The following ESCO1 variants were observed in gnomAD, a reference collection of about 807,000 sequenced individuals.
The protein encoded by ESCO1 is establishment of sister chromatid cohesion N-acetyltransferase 1.
In ESCO1, 33 loss-of-function variants were observed where a neutral mutation model predicts 83.5. That is an observed-to-expected ratio of 0.40 (90% CI 0.30 to 0.53). ESCO1 has a LOEUF of 0.53. ESCO1 is among the 20% of genes least tolerant of loss of function. ESCO1 has a pLI of 0.63. For missense variants in ESCO1, 855 were observed against 968.0 expected (o/e 0.88, Z 1.55); for synonymous variants, 332 against 324.3 (o/e 1.02, Z -0.25).
intron 1 of ESCO1, among the ~76,000 whole-genome samples, chr18:21,597,285 A>T (rs1180205401): frequency 6.6e-6 from 1 of 152,206 alleles, no homozygotes; most frequent in Non-Finnish European, 1.5e-5. Flanking sequence ...AAGGCCAAAC[A>T]TTAAGGAGAT....
intron 6 of ESCO1, among the ~76,000 whole-genome samples, 162 bp downstream of exon 6, chr18:21,565,984 G>A (rs1056839598): frequency 6.6e-6 from 1 of 152,020 alleles, no homozygotes; most frequent in Non-Finnish European, 1.5e-5. Context: ...TAGAAAAAAT[G>A]TCCATAGTAA....
chr18:21,560,325 ATT>A (rs36024258), intron 8 of ESCO1, among the ~76,000 whole-genome samples: 1 of 143,008 alleles, frequency 7.0e-6, no homozygotes, highest in African/African-American at 2.6e-5. Flanking sequence ...CTCTGTGGGA[ATT>A]TTTTTTTTTT....
rs762391944 is a variant in ESCO1, at chr18:21,574,203, C to A, written c.641G>T (p.Cys214Phe). The change falls in exon 4 of 12, where the codon TGT becomes TTT. Residue 214 changes from cysteine (C) to phenylalanine (F), a missense_variant. By Grantham distance (205) the Cys-to-Phe change is radical. Around this residue, in one of 2 missense-constraint regions of ESCO1, gnomAD observed 726 missense variants for 699.5 expected, o/e 1.04. Transcript: ENST00000269214. ...TTGCGTGCATTGAGAACTACAAGCA[C>A]AAGCTGTCTGATGTTCTACCTTGCG... is the stretch of plus-strand genomic sequence containing the variant. Reference protein sequence around the residue: ...KKRKVEHQTACACSSQCTQGS... With the variant: ...KKRKVEHQTAFACSSQCTQGS... The A allele has an allele frequency of 2.2e-5, 35 of 1,613,788 alleles. No homozygotes were observed. Among genetic ancestry groups the A allele is most frequent in the Non-Finnish European group, 2.9e-5 (34 of 1,180,020 alleles).
At chr18:21,579,780 ACACACGCGCGCGCG>A (rs1208207299) in intron 2 of ESCO1, among the ~76,000 whole-genome samples, 6 of 52,000 alleles carry the variant, frequency 1.2e-4, no homozygotes, top group African/African-American at 3.6e-4. Flanking sequence ...TGACACACAC[ACACACGCGCGCGCG>A]CACACACACA....
At chr18:21,530,591 G>A (rs2037755393) in intron 11 of ESCO1, 101 bp from the exon 12 acceptor site, 1 of 1,184,854 alleles carries the variant, frequency 8.4e-7, no homozygotes, top group East Asian at 2.7e-5. Flanking sequence ...AATACAATTT[G>A]ACTAAAAAAG....
intron 7 of ESCO1, among the ~76,000 whole-genome samples, chr18:21,561,204 A>G (rs1598463699): frequency 6.6e-6 from 1 of 152,342 alleles, no homozygotes; most frequent in African/African-American, 2.4e-5. Context: ...TCCACGGCAT[A>G]TAACAATTTT....
chr18:21,539,096 C>T (rs1457394246), intron 9 of ESCO1, among the ~76,000 whole-genome samples: 10 of 151,762 alleles, frequency 6.6e-5, no homozygotes, highest in Admixed American at 5.3e-4. Context: ...TATGTTTCCG[C>T]ATTATATTTA....
chr18:21,592,359 C>G (rs1174026814), intron 1 of ESCO1, among the ~76,000 whole-genome samples: 1 of 117,718 alleles, frequency 8.5e-6, no homozygotes, highest in Admixed American at 8.5e-5. Flanking sequence ...CCGGACGAGG[C>G]GGCTGGCCGG....
At position 21,598,714 on chromosome 18, in the gene ESCO1, C is replaced by A. The variant is rs867451897; in HGVS notation, c.-825+1909G>T. Among the ~76,000 whole-genome samples, 37 of 150,544 alleles carry A rather than the reference C, an allele frequency of 2.5e-4. 1 individual carries two copies. Among genetic ancestry groups the A allele is most frequent in the African/African-American group, 6.1e-4 (25 of 41,100 alleles). The stretch of plus-strand genomic sequence containing the variant: ...GAGACTCCATCTCAAAAAAAAAAAA[C>A]AAACAATTACTTGTTCACTACAGGA... On this transcript the variant is annotated intron_variant, in intron 1 of 11. Transcript: ENST00000269214.
chr18:21,576,760 T>C (rs2038423704), intron 2 of ESCO1, among the ~76,000 whole-genome samples: 1 of 152,014 alleles, frequency 6.6e-6, no homozygotes, highest in South Asian at 2.1e-4. Context: ...AAAGGCCGGG[T>C]GCGGTGGCTC....
At chr18:21,596,477 A>C (rs2038768999) in intron 1 of ESCO1, among the ~76,000 whole-genome samples, 1 of 152,178 alleles carries the variant, frequency 6.6e-6, no homozygotes, top group Admixed American at 6.6e-5. Context: ...CTTAAGTGTT[A>C]GCTATAATAA....
intron 8 of ESCO1, chr18:21,540,567 A>T: frequency 1.5e-6 from 2 of 1,310,422 alleles, no homozygotes; most frequent in Non-Finnish European, 2.0e-6. Context: ...ACTATAAAAA[A>T]TATAACTACC....
intron 7 of ESCO1, 30 bp from the exon 8 acceptor site, chr18:21,561,020 T>C: frequency 6.4e-7 from 1 of 1,562,220 alleles, no homozygotes; most frequent in East Asian, 2.3e-5. Flanking sequence ...AAAAGTTTTT[T>C]TCCTCCCAAA....
chr18:21,539,523 A>G (rs1421560310), intron 9 of ESCO1, among the ~76,000 whole-genome samples: 2 of 152,180 alleles, frequency 1.3e-5, no homozygotes, highest in Non-Finnish European at 2.9e-5. Flanking sequence ...GTGTTTCAAT[A>G]TACTATGCCA....
At chr18:21,591,475 A>C (rs2038667285) in intron 1 of ESCO1, among the ~76,000 whole-genome samples, 1 of 152,310 alleles carries the variant, frequency 6.6e-6, no homozygotes, top group East Asian at 1.9e-4. Flanking sequence ...TTCCCAGCAC[A>C]ACCATTTTTT....
rs539081309 is a variant in ESCO1 at position 21,538,903 on chromosome 18, A to G, written c.2043+1017T>C. 2.4e-4 allele frequency among the ~76,000 whole-genome samples: 37 copies of G among 152,122 alleles called. 2 individuals are homozygous for G. Among genetic ancestry groups the G allele is most frequent in the Non-Finnish European group, 5.0e-4 (34 of 68,008 alleles). ...TATTATTTGAAAGTGTAATGAACAT[A>G]TTAAACTTATTTAAAAATAAGTTTA... is the stretch of plus-strand genomic sequence containing the variant. On this transcript the variant is annotated intron_variant, in intron 9 of 11. Transcript: ENST00000269214.
intron 10 of ESCO1, among the ~76,000 whole-genome samples, chr18:21,534,493 C>T (rs1235744395): frequency 1.3e-5 from 2 of 152,102 alleles, no homozygotes; most frequent in Non-Finnish European, 2.9e-5. Context: ...AGAATGGTCT[C>T]GGCAGTTTCT....
At chr18:21,592,715 G>C (rs1213911392) in intron 1 of ESCO1, among the ~76,000 whole-genome samples, 1 of 151,316 alleles carries the variant, frequency 6.6e-6, no homozygotes, top group Admixed American at 6.6e-5. Flanking sequence ...CTTCCCAGAC[G>C]GGGTGGCTGC....
chr18:21,570,297 C>T lies in ESCO1; in HGVS notation c.1531-2203G>A, dbSNP rs1376750875. ...ATTATTTTGTAGAGAGGGAGTCTCA[C>T]TATGTTGCTCAAACTTGTCTAAAAC... On this transcript the variant is annotated intron_variant, in intron 4 of 11. Transcript: ENST00000269214. Among the ~76,000 whole-genome samples the T allele has an allele frequency of 2.0e-5, 3 of 151,928 alleles. No individual in the cohort carries two copies. The East Asian group carries it at 5.8e-4, about 29-fold the overall frequency.
Sources: allele counts gnomAD v4.1 joint callset (sites outside exome capture counted in the v4.1 genomes callset), GRCh38; gene constraint gnomAD v4.1.1; regional missense constraint gnomAD v4.1.1; transcripts MANE v1.5; gene names NCBI Gene and HGNC (gene_info 2026-07-23, HGNC 2026-07-21).